The following ADAMTS16 variants were observed in gnomAD, a reference collection of about 807,000 sequenced individuals.
The protein encoded by ADAMTS16 is A disintegrin and metalloproteinase with thrombospondin motifs 16.
ADAMTS16 carries 94 observed loss-of-function variants against 145.8 expected under a neutral mutation model. That is an observed-to-expected ratio of 0.64 (90% CI 0.55 to 0.77). ADAMTS16 has a LOEUF of 0.77. ADAMTS16 is among the 30% of genes least tolerant of loss of function. The pLI, the probability that ADAMTS16 is intolerant of heterozygous loss-of-function variation, is 0.00. For synonymous variants in ADAMTS16, 659 were observed against 604.3 expected (o/e 1.09, Z -1.33); for missense variants, 1,585 against 1,591.5 (o/e 1.00, Z 0.07).
intron 21 of ADAMTS16, among the ~76,000 whole-genome samples, chr5:5,312,479 C>G (rs1259870423): frequency 5.3e-5 from 7 of 133,084 alleles, no homozygotes; most frequent in Non-Finnish European, 9.4e-5. Context: ...CAGAGTTTTG[C>G]TCTTGTCACC....
chr5:5,161,494 G>C (rs1444560947), intron 3 of ADAMTS16, among the ~76,000 whole-genome samples: 1 of 152,190 alleles, frequency 6.6e-6, no homozygotes, highest in Non-Finnish European at 1.5e-5. Context: ...GAGTCGATAA[G>C]TATAATGGAC....
At chr5:5,191,477 A>G (rs1288406339) in intron 7 of ADAMTS16, among the ~76,000 whole-genome samples, 3 of 152,044 alleles carry the variant, frequency 2.0e-5, no homozygotes, top group African/African-American at 4.8e-5. Flanking sequence ...TGTGTTCCAC[A>G]ATACAGAGAG....
At chr5:5,169,566 A>T (rs1272726369) in intron 3 of ADAMTS16, among the ~76,000 whole-genome samples, 1 of 152,180 alleles carries the variant, frequency 6.6e-6, no homozygotes, top group East Asian at 1.9e-4. Flanking sequence ...CCTCTGTTGC[A>T]TCTGACAGAG....
chr5:5,188,904 T>C (rs1175972330), intron 6 of ADAMTS16, among the ~76,000 whole-genome samples: 2 of 152,184 alleles, frequency 1.3e-5, no homozygotes, highest in Non-Finnish European at 2.9e-5. Flanking sequence ...CCTCTTCACC[T>C]TGGAATTCAT....
At chr5:5,305,122 C>CAT (rs200493138) in intron 20 of ADAMTS16, among the ~76,000 whole-genome samples, 118 of 34,472 alleles carry the variant, frequency 3.4e-3, no homozygotes, top group Non-Finnish European at 5.7e-3. Context: ...CACACACACA[C>CAT]CCCACACCAC....
At chr5:5,226,791 T>C (rs933982901) in intron 11 of ADAMTS16, among the ~76,000 whole-genome samples, 1 of 152,166 alleles carries the variant, frequency 6.6e-6, no homozygotes, top group African/African-American at 2.4e-5. Context: ...ATTCTAAGCT[T>C]AGTACATTTC....
intron 17 of ADAMTS16, among the ~76,000 whole-genome samples, chr5:5,259,353 C>T (rs1737912376): frequency 6.6e-6 from 1 of 152,214 alleles, no homozygotes; most frequent in South Asian, 2.1e-4. Flanking sequence ...AACACAAGGA[C>T]ACATCTGTTG....
intron 18 of ADAMTS16, among the ~76,000 whole-genome samples, chr5:5,270,375 G>A (rs1332839020): frequency 2.6e-5 from 4 of 152,188 alleles, no homozygotes; most frequent in African/African-American, 7.2e-5. Context: ...AGGTGCAGCC[G>A]TGACACTGCC....
intron 11 of ADAMTS16, among the ~76,000 whole-genome samples, chr5:5,224,227 C>T (rs1736688222): frequency 6.6e-6 from 1 of 152,036 alleles, no homozygotes; most frequent in South Asian, 2.1e-4. Context: ...TTGAATTCTA[C>T]TAGTGATCCA....
Position 5,140,707 on chromosome 5 carries a change from G to C in ADAMTS16, c.116G>C (p.Ser39Thr). ...AMGPAAAAPG[S>T]PSVPRPPPPA... ...GGACCCGCAGCGGCAGCGCCTGGGAGCCCGAGCGTCCCGCGTCCTCCTCCA... is the reference window on the plus strand; with the variant it reads ...GGACCCGCAGCGGCAGCGCCTGGGACCCCGAGCGTCCCGCGTCCTCCTCCA... Residue 39 changes from serine (S) to threonine (T), a missense_variant, in exon 2 of 23, where the codon AGC becomes ACC. Ser to Thr is a moderately conservative substitution (Grantham distance 58). This residue lies in a region of ADAMTS16 where 453 missense variants were observed against 412.1 expected (regional missense o/e 1.10). Transcript: ENST00000274181. 2 of 1,568,578 alleles carry C rather than the reference G, an allele frequency of 1.3e-6. No homozygotes were observed. Among genetic ancestry groups the C allele is most frequent in the Non-Finnish European group, 1.7e-6 (2 of 1,159,330 alleles).
intron 6 of ADAMTS16, among the ~76,000 whole-genome samples, chr5:5,189,332 G>A: frequency 6.6e-6 from 1 of 152,192 alleles, no homozygotes; most frequent in African/African-American, 2.4e-5. Context: ...TCTACGCTCT[G>A]TTACTTCATC....
chr5:5,253,998 A>G (rs1381515007), intron 17 of ADAMTS16, among the ~76,000 whole-genome samples: 2 of 152,106 alleles, frequency 1.3e-5, no homozygotes, highest in South Asian at 2.1e-4. Flanking sequence ...CTCTGCCTCT[A>G]TCTCTGTTCT....
At chr5:5,180,052 C>T (rs528914971) in intron 3 of ADAMTS16, among the ~76,000 whole-genome samples, 1 of 152,266 alleles carries the variant, frequency 6.6e-6, no homozygotes, top group African/African-American at 2.4e-5. Flanking sequence ...TGGACTCATC[C>T]AGGACAGCCC....
chr5:5,278,097 AACTTATT>A (rs1257679856), intron 18 of ADAMTS16, among the ~76,000 whole-genome samples: 1 of 152,212 alleles, frequency 6.6e-6, no homozygotes, highest in Non-Finnish European at 1.5e-5. Flanking sequence ...TATTTCAGTG[AACTTATT>A]ACTTAGTGAC....
At chr5:5,145,086 ATTAT>A (rs1358343770) in intron 2 of ADAMTS16, among the ~76,000 whole-genome samples, 1 of 151,974 alleles carries the variant, frequency 6.6e-6, no homozygotes, top group Non-Finnish European at 1.5e-5. Context: ...GAACGCGGAG[ATTAT>A]GAGCCTACCA....
intron 18 of ADAMTS16, among the ~76,000 whole-genome samples, chr5:5,267,229 C>G (rs1285914344): frequency 2.0e-5 from 3 of 152,122 alleles, no homozygotes; most frequent in Non-Finnish European, 4.4e-5. Context: ...TCCTGAACTC[C>G]CAGTGGGCAT....
chr5:5,195,816 A>C (rs934402968), intron 8 of ADAMTS16, among the ~76,000 whole-genome samples: 2 of 152,220 alleles, frequency 1.3e-5, no homozygotes, highest in African/African-American at 4.8e-5. Flanking sequence ...CTAGTGATCT[A>C]TGCCCTTCCA....
chr5:5,306,770 C>T (rs763745165), intron 21 of ADAMTS16, 42 bp downstream of exon 21: 7 of 1,531,496 alleles, frequency 4.6e-6, no homozygotes, highest in Non-Finnish European at 6.2e-6. Flanking sequence ...GCGAGCACAG[C>T]TTGGCCTGGG....
At chr5:5,188,315 A>G (rs1361921024) in intron 6 of ADAMTS16, among the ~76,000 whole-genome samples, 3 of 152,122 alleles carry the variant, frequency 2.0e-5, no homozygotes, top group African/African-American at 7.2e-5. Flanking sequence ...ATTTCTATGG[A>G]CTTTCAAGCG....
Sources: allele counts gnomAD v4.1 joint callset (sites outside exome capture counted in the v4.1 genomes callset), GRCh38; gene constraint gnomAD v4.1.1; regional missense constraint gnomAD v4.1.1; transcripts MANE v1.5; gene names NCBI Gene and HGNC (gene_info 2026-07-23, HGNC 2026-07-21).